PDE4D: variants seen among roughly 807,000 people sequenced by gnomAD.
The protein encoded by PDE4D is phosphodiesterase 4D, also known as 3',5'-cyclic-AMP phosphodiesterase 4D.
PDE4D carries 24 observed loss-of-function variants against 87.4 expected under a neutral mutation model. That is an observed-to-expected ratio of 0.27 (90% CI 0.20 to 0.39). The LOEUF is 0.39. Among genes scored for constraint, PDE4D ranks in the 10% least tolerant of loss-of-function variants. The pLI is 1.00. For synonymous variants in PDE4D, 384 were observed against 383.2 expected (o/e 1.00, Z -0.02); for missense variants, 714 against 1,041.0 (o/e 0.69, Z 4.32).
chr5:59,549,408 A>G (rs1474118440), intron 1 of PDE4D, among the ~76,000 whole-genome samples: 1 of 152,208 alleles, frequency 6.6e-6, no homozygotes, highest in African/African-American at 2.4e-5. Flanking sequence ...GAGTAGAGTG[A>G]CATTCGTTTG....
At chr5:59,336,622 G>A (rs1353204427) in intron 1 of PDE4D, among the ~76,000 whole-genome samples, 1 of 152,204 alleles carries the variant, frequency 6.6e-6, no homozygotes, top group Non-Finnish European at 1.5e-5. Flanking sequence ...TGTTCTCACA[G>A]CTGCTAACAG....
intron 2 of PDE4D, among the ~76,000 whole-genome samples, chr5:60,071,027 C>A (rs1206657326): frequency 6.6e-6 from 1 of 151,396 alleles, no homozygotes; most frequent in Non-Finnish European, 1.5e-5. Flanking sequence ...TTTGTGATTT[C>A]TCTTCTTTCA....
chr5:60,453,748 T>C (rs1746262842), intron 1 of PDE4D, among the ~76,000 whole-genome samples: 1 of 152,090 alleles, frequency 6.6e-6, no homozygotes, highest in Non-Finnish European at 1.5e-5. Context: ...GCTTTCTAAC[T>C]TTAAGTACAC....
At chr5:60,210,972 C>T (rs1743133853) in intron 1 of PDE4D, among the ~76,000 whole-genome samples, 1 of 152,178 alleles carries the variant, frequency 6.6e-6, no homozygotes, top group Admixed American at 6.5e-5. Context: ...ACAGCCACAG[C>T]TGGCGGGGGC....
intron 1 of PDE4D, among the ~76,000 whole-genome samples, chr5:59,598,451 T>C (rs1480690031): frequency 1.3e-5 from 2 of 152,110 alleles, no homozygotes; most frequent in African/African-American, 4.8e-5. Context: ...AATTCCCAAC[T>C]CATTTTCAAA....
intron 1 of PDE4D, among the ~76,000 whole-genome samples, chr5:60,250,042 GC>G (rs1171146898): frequency 2.0e-5 from 3 of 151,852 alleles, no homozygotes; most frequent in Admixed American, 1.3e-4. Context: ...TTCTCACAGT[GC>G]TTCTACATAC....
chr5:59,979,204 A>T (rs1395677760), intron 3 of PDE4D, among the ~76,000 whole-genome samples: 1 of 152,074 alleles, frequency 6.6e-6, no homozygotes, highest in Non-Finnish European at 1.5e-5. Flanking sequence ...GTTAACTGAG[A>T]CACAGAAGAG....
At chr5:59,672,093 G>C (rs987082455) in intron 1 of PDE4D, among the ~76,000 whole-genome samples, 3 of 152,082 alleles carry the variant, frequency 2.0e-5, no homozygotes, top group African/African-American at 7.2e-5. Flanking sequence ...TCAGGCTAAC[G>C]GCAGGGCTGG....
At chr5:60,460,181 A>C in intron 1 of PDE4D, 1 of 1,563,626 alleles carries the variant, frequency 6.4e-7, no homozygotes, top group East Asian at 2.3e-5. Flanking sequence ...CATTTCATCA[A>C]ATCCTTTCCA....
chr5:59,676,494 T>C (rs969877297), intron 1 of PDE4D, among the ~76,000 whole-genome samples: 3 of 152,172 alleles, frequency 2.0e-5, no homozygotes, highest in Non-Finnish European at 4.4e-5. Context: ...GACATATTAA[T>C]TTGTGATCAA....
intron 2 of PDE4D, among the ~76,000 whole-genome samples, chr5:60,125,798 C>G (rs115543451): frequency 6.6e-6 from 1 of 152,138 alleles, no homozygotes; most frequent in Non-Finnish European, 1.5e-5. Context: ...TCTAGTTTAT[C>G]CTGCTCAATG....
At chr5:59,083,993 G>T (rs1266695671) in intron 5 of PDE4D, among the ~76,000 whole-genome samples, 1 of 151,778 alleles carries the variant, frequency 6.6e-6, no homozygotes, top group African/African-American at 2.4e-5. Context: ...GGGTTTTTTT[G>T]GGGGGGACTT....
At chr5:60,484,215 T>C (rs1437807485) in intron 1 of PDE4D, among the ~76,000 whole-genome samples, 1 of 149,718 alleles carries the variant, frequency 6.7e-6, no homozygotes, top group Non-Finnish European at 1.5e-5. Flanking sequence ...CCCAAGAACA[T>C]CTGTCAGTCT....
At chr5:59,907,272 A>C (rs1025275245) in intron 3 of PDE4D, among the ~76,000 whole-genome samples, 2 of 152,118 alleles carry the variant, frequency 1.3e-5, no homozygotes, top group African/African-American at 4.8e-5. Flanking sequence ...GATCAGTGAC[A>C]TTGAGCTTTT....
intron 1 of PDE4D, among the ~76,000 whole-genome samples, chr5:59,256,474 T>A (rs560399310): frequency 7.2e-5 from 11 of 152,140 alleles, no homozygotes; most frequent in Admixed American, 2.6e-4. Flanking sequence ...ATGAAGAGAA[T>A]CTGTTTCAAT....
intron 1 of PDE4D, among the ~76,000 whole-genome samples, chr5:60,328,620 T>C (rs1441222271): frequency 6.6e-6 from 1 of 152,144 alleles, no homozygotes; most frequent in Admixed American, 6.6e-5. Flanking sequence ...AATGCTGGTA[T>C]AAAGATTTTG....
intron 1 of PDE4D, among the ~76,000 whole-genome samples, chr5:60,323,093 TCTC>T (rs1206912476): frequency 6.6e-6 from 1 of 152,188 alleles, no homozygotes; most frequent in Non-Finnish European, 1.5e-5. Context: ...GGTTCCAGAC[TCTC>T]CTTTCTTCTC....
intron 3 of PDE4D, among the ~76,000 whole-genome samples, chr5:59,963,398 T>C (rs1759686868): frequency 6.6e-6 from 1 of 152,124 alleles, no homozygotes; most frequent in Admixed American, 6.5e-5. Context: ...ATAACCACTG[T>C]CACCTAACAT....
intron 1 of PDE4D, among the ~76,000 whole-genome samples, chr5:59,332,253 C>T (rs1164462003): frequency 2.0e-5 from 3 of 151,712 alleles, no homozygotes; most frequent in Non-Finnish European, 4.4e-5. Flanking sequence ...ATTTTTCTTC[C>T]CAAAACAGCA....
Sources: gnomAD v4.1 joint callset for allele counts (sites outside exome capture counted in the v4.1 genomes callset) on GRCh38, gnomAD v4.1.1 for gene constraint, MANE v1.5 for transcripts, NCBI Gene and HGNC (gene_info 2026-07-23, HGNC 2026-07-21) for gene names.